The following PCNX4 variants were observed in gnomAD, a reference collection of about 807,000 sequenced individuals.
PCNX4 encodes pecanex 4.
PCNX4 carries 103 observed loss-of-function variants against 107.2 expected under a neutral mutation model. The observed-to-expected ratio is 0.96, with a 90% CI of 0.82 to 1.13. PCNX4 has a LOEUF of 1.13. Ranked by LOEUF, PCNX4 falls within the 50% of genes most tolerant of loss-of-function variation. PCNX4 has a pLI of 0.00. For missense variants in PCNX4, 1,528 were observed against 1,379.4 expected (o/e 1.11, Z -1.71); for synonymous variants, 541 against 481.7 (o/e 1.12, Z -1.61).
In PCNX4 at chr14:60,134,414, T is replaced by A; in HGVS notation, c.*193T>A. The A allele has an allele frequency of 1.6e-6, 1 of 620,052 alleles. No homozygotes were observed. Among genetic ancestry groups the A allele is most frequent in the Non-Finnish European group, 2.7e-6 (1 of 374,354 alleles). 38.4% of individuals were successfully genotyped at this position (620,052 alleles called of 1,614,324 possible). A position where few individuals can be genotyped will look rare whatever the true frequency, so the allele number is the denominator to read the frequency against. ...AAAACAGCAAAAACATCTTTATGTCTAAGATAAAAGAACTATTTGGCCAAT... is the reference window on the plus strand; with the variant it reads ...AAAACAGCAAAAACATCTTTATGTCAAAGATAAAAGAACTATTTGGCCAAT... On this transcript the variant is annotated 3_prime_UTR_variant, in exon 11 of 11. Coordinates refer to ENST00000406854, the MANE Select transcript of PCNX4 (RefSeq NM_001330177.2).
chr14:60,133,771 A>G (rs950119510), intron 10 of PCNX4, 199 bp from the exon 11 acceptor site: 3 of 667,756 alleles, frequency 4.5e-6, no homozygotes, highest in African/African-American at 3.6e-5. Context: ...TATTTAAAGA[A>G]CCAAGGAAGT....
chr14:60,098,799 G>A (rs547034872), intron 1 of PCNX4, among the ~76,000 whole-genome samples: 30 of 152,126 alleles, frequency 2.0e-4, no homozygotes, highest in Admixed American at 1.8e-3. Flanking sequence ...TTAGCTGAGC[G>A]TGGTGGTGCA....
chr14:60,130,492 T>G (rs1302627346), intron 10 of PCNX4, among the ~76,000 whole-genome samples: 5 of 152,094 alleles, frequency 3.3e-5, no homozygotes, highest in Non-Finnish European at 7.4e-5. Context: ...TGGTGAAGAT[T>G]GGATGCTTAC....
chr14:60,103,854 G>A (rs1895579029), intron 1 of PCNX4, among the ~76,000 whole-genome samples: 1 of 152,162 alleles, frequency 6.6e-6, no homozygotes, highest in Admixed American at 6.5e-5. Context: ...CTCCTGTGTT[G>A]CTTTGTGATA....
At chr14:60,133,802 A>C in intron 10 of PCNX4, 168 bp from the exon 11 acceptor site, 1 of 697,928 alleles carries the variant, frequency 1.4e-6, no homozygotes, top group Non-Finnish European at 2.4e-6. Flanking sequence ...CTTGATTCTG[A>C]ATACAGGCAA....
chr14:60,101,593 G>T (rs1566929694), intron 1 of PCNX4, among the ~76,000 whole-genome samples: 1 of 152,156 alleles, frequency 6.6e-6, no homozygotes, highest in Non-Finnish European at 1.5e-5. Flanking sequence ...ACAAAAGAGT[G>T]TTGGTGAGGA....
intron 1 of PCNX4, among the ~76,000 whole-genome samples, chr14:60,098,667 G>A (rs149129567): frequency 2.6e-5 from 4 of 152,200 alleles, no homozygotes; most frequent in East Asian, 1.9e-4. Context: ...TGCTGGGCAC[G>A]GTGGCTCACA....
Position 60,108,077 on chromosome 14 carries a change from G to T in PCNX4, c.439G>T (p.Ala147Ser). 1.9e-6 allele frequency: 3 copies of T among 1,612,802 alleles called. No homozygotes were observed. In the South Asian group the frequency reaches 3.3e-5, roughly 18 times the overall value. ...CAATACAGTTTTTCATTCTATTCTT[G>T]CTGGATTAGCGTGTGGTCTTGGAAC... Reference protein sequence around the residue: ...VANTVFHSILAGLACGLGTWY... With the variant: ...VANTVFHSILSGLACGLGTWY... The change falls in exon 2 of 11, where the codon GCT becomes TCT. Residue 147 changes from alanine to serine, a missense_variant. Coordinates refer to ENST00000406854, the MANE Select transcript of PCNX4 (RefSeq NM_001330177.2).
chr14:60,111,307 T>G (rs1249823488), intron 2 of PCNX4: 1 of 152,128 alleles, frequency 6.6e-6, no homozygotes, highest in East Asian at 1.9e-4. Flanking sequence ...TACACTACAT[T>G]TATGAACCAG....
At chr14:60,093,544 A>G (rs1245107825) in intron 1 of PCNX4, among the ~76,000 whole-genome samples, 1 of 152,206 alleles carries the variant, frequency 6.6e-6, no homozygotes, top group Non-Finnish European at 1.5e-5. Flanking sequence ...ATTCCTTTTT[A>G]TAGTCTAATT....
rs995243108 is a variant in PCNX4, at chr14:60,147,895, A to G, written c.*13674A>G. 5 of 152,240 alleles carry G rather than the reference A, an allele frequency of 3.3e-5. No homozygotes were observed. Among genetic ancestry groups the G allele is most frequent in the Admixed American group, 2.6e-4 (4 of 15,274 alleles). The allele number at this position is 152,240 out of a possible 1,614,324, so 9.4% of individuals were successfully genotyped here. ...TCTTTCCATCACTGGGCACAAAGCTACTGCATCAGCTGTCCTCCATATTTA... is the reference window on the plus strand; with the variant it reads ...TCTTTCCATCACTGGGCACAAAGCTGCTGCATCAGCTGTCCTCCATATTTA... On this transcript the variant is annotated 3_prime_UTR_variant, in exon 11 of 11. Transcript: ENST00000406854.
chr14:60,115,066 T>A lies in PCNX4; in HGVS notation c.962T>A (p.Phe321Tyr). The A allele has an allele frequency of 6.2e-7, 1 of 1,613,934 alleles. No homozygotes were observed. The highest frequency in any genetic ancestry group is 8.5e-7 in the Non-Finnish European group (1 of 1,179,852). The part of the protein sequence containing the change: ...TVGVVLFMTG[F>Y]GFLLSLNLSD... Reference sequence around the variant, plus strand: ...GGTGTGGTTCTTTTCATGACTGGATTTGGTTTCTTGCTGAGTCTGAACTTA... The same window carrying A: ...GGTGTGGTTCTTTTCATGACTGGATATGGTTTCTTGCTGAGTCTGAACTTA... Residue 321 changes from phenylalanine (F) to tyrosine (Y), a missense_variant, in exon 4 of 11, where the codon TTT becomes TAT. Phe to Tyr is a conservative substitution (Grantham distance 22). Transcript: ENST00000406854.
chr14:60,116,008 G>T lies in PCNX4; in HGVS notation c.1526G>T (p.Ser509Ile), dbSNP rs137987112. ...GTATCAACAGTACACTTGATCTCCA[G>T]TACAGACATATGGTGGAACAGAAGC... ...VIVSTVHLIS[S>I]TDIWWNRSLD... Residue 509 changes from serine (S) to isoleucine (I), a missense_variant, in exon 6 of 11, where the codon AGT (serine) becomes ATT (isoleucine). Physicochemically the swap from Ser to Ile is moderately radical, Grantham distance 142. Coordinates refer to ENST00000406854, the MANE Select transcript of PCNX4 (RefSeq NM_001330177.2). 6.2e-7 allele frequency: 1 copy of T among 1,612,808 alleles called. No homozygotes were observed. Among genetic ancestry groups the T allele is most frequent in the Non-Finnish European group, 8.5e-7 (1 of 1,179,350 alleles).
intron 10 of PCNX4, among the ~76,000 whole-genome samples, chr14:60,127,017 AATT>A (rs1403895057): frequency 3.9e-5 from 6 of 152,194 alleles, no homozygotes; most frequent in African/African-American, 7.2e-5. Context: ...GGGAGAAGCA[AATT>A]ATTATTAACA....
chr14:60,107,585 G>T lies in PCNX4; in HGVS notation c.-53-1G>T, dbSNP rs75864567. The T allele has an allele frequency of 1.4e-6, 2 of 1,442,576 alleles. No homozygotes were observed. The highest frequency in any genetic ancestry group is 1.9e-6 in the Non-Finnish European group (2 of 1,065,586). The allele number at this position is 1,442,576 out of a possible 1,614,324, so 89.4% of individuals were successfully genotyped here. On this transcript the variant is annotated splice_acceptor_variant, in intron 1 of 10. Transcript: ENST00000406854. LOFTEE classifies it low-confidence loss of function (5UTR_SPLICE). ...GACTTTTTTTAATTTTTATTTTTTA[G>T]AAACTGCTGTGTTACAGAAAAGCAT...
chr14:60,108,596 CTTTGAGTT>C, intron 2 of PCNX4: 1 of 238,074 alleles, frequency 4.2e-6, no homozygotes. Context: ...AAATAAGGAG[CTTTGAGTT>C]TTTAAGATAG....
In PCNX4 at chr14:60,115,060, C is replaced by T; in HGVS notation, c.956C>T (p.Thr319Ile). The stretch of plus-strand genomic sequence containing the variant: ...ACTGTTGGTGTGGTTCTTTTCATGA[C>T]TGGATTTGGTTTCTTGCTGAGTCTG... ...PSTVGVVLFM[T>I]GFGFLLSLNL... is the part of the protein sequence containing the mutation. Residue 319 changes from threonine to isoleucine, a missense_variant, in exon 4 of 11, where the codon ACT becomes ATT. Thr to Ile is a moderately conservative substitution (Grantham distance 89). Transcript: ENST00000406854. The T allele has an allele frequency of 6.2e-7, 1 of 1,613,584 alleles. No homozygotes were observed. The highest frequency in any genetic ancestry group is 2.2e-5 in the East Asian group (1 of 44,852).
In PCNX4 at chr14:60,147,500, A is replaced by C. The variant is rs951109441; in HGVS notation, c.*13279A>C. The C allele has an allele frequency of 1.3e-5, 2 of 152,166 alleles. No individual in the cohort carries two copies. Among genetic ancestry groups the C allele is most frequent in the Non-Finnish European group, 2.9e-5 (2 of 68,022 alleles). 9.4% of individuals were successfully genotyped at this position (152,166 alleles called of 1,614,324 possible). A position where few individuals can be genotyped will look rare whatever the true frequency, so the allele number is the denominator to read the frequency against. On this transcript the variant is annotated 3_prime_UTR_variant, in exon 11 of 11. Transcript: ENST00000406854. ...ACAATGTATACCTTAAATATATATA[A>C]TTTTTATGTGTCAATTATAAAGAAA...
rs146202238 is a variant in PCNX4 at position 60,146,612 on chromosome 14, A to C, written c.*12391A>C. 58 of 152,348 alleles carry C rather than the reference A, an allele frequency of 3.8e-4. No individual in the cohort carries two copies. Among genetic ancestry groups the C allele is most frequent in the African/African-American group, 1.3e-3 (55 of 41,590 alleles). The allele number at this position is 152,348 out of a possible 1,614,324, so 9.4% of individuals were successfully genotyped here. ...TGTTCATTTTAGCATTATTCATAAT[A>C]GCCAAGATATGGAAACAACCTAAGT... On this transcript the variant is annotated 3_prime_UTR_variant, in exon 11 of 11. Coordinates refer to ENST00000406854, the MANE Select transcript of PCNX4 (RefSeq NM_001330177.2). This position sits in a 1 kb window ranked among gnomAD's most constrained non-coding sequence, Gnocchi z 4.9.
Sources: gnomAD v4.1 joint callset for allele counts (sites outside exome capture counted in the v4.1 genomes callset) on GRCh38, gnomAD v4.1.1 for gene constraint, Gnocchi (gnomAD v3.1) non-coding constraint, MANE v1.5 for transcripts, NCBI Gene and HGNC (gene_info 2026-07-23, HGNC 2026-07-21) for gene names.